THRB: variants seen among roughly 807,000 people sequenced by gnomAD.
THRB encodes nuclear receptor subfamily 1 group A member 2.
Under a neutral mutation model 47.8 loss-of-function variants are expected in THRB, and 12 were observed. The observed-to-expected ratio is 0.25, with a 90% CI of 0.16 to 0.41. THRB has a LOEUF of 0.41. Among genes scored for constraint, THRB ranks in the 10% least tolerant of loss-of-function variants. The pLI, the probability that THRB is intolerant of heterozygous loss-of-function variation, is 1.00. For synonymous variants in THRB, 218 were observed against 212.2 expected (o/e 1.03, Z -0.24); for missense variants, 348 against 589.2 (o/e 0.59, Z 4.24).
intron 4 of THRB, among the ~76,000 whole-genome samples, chr3:24,196,720 C>A (rs1276279539): frequency 6.6e-6 from 1 of 152,182 alleles, no homozygotes; most frequent in Non-Finnish European, 1.5e-5. Context: ...TGGGCCATGG[C>A]CCAAGGAATG....
chr3:24,133,500 T>C (rs1286465140), intron 8 of THRB, 38 bp from the exon 9 acceptor site: 2 of 1,594,706 alleles, frequency 1.3e-6, no homozygotes, highest in African/African-American at 1.3e-5. Context: ...AATGAAGAAG[T>C]TGAAGGGAGC....
intron 1 of THRB, among the ~76,000 whole-genome samples, chr3:24,352,807 G>C (rs1267848541): frequency 6.6e-6 from 1 of 152,032 alleles, no homozygotes; most frequent in Non-Finnish European, 1.5e-5. Flanking sequence ...ATTAAGAAGA[G>C]CTATAAACAC....
intron 3 of THRB, among the ~76,000 whole-genome samples, chr3:24,264,008 C>A (rs1310432033): frequency 6.6e-6 from 1 of 152,138 alleles, no homozygotes; most frequent in Non-Finnish European, 1.5e-5. Context: ...TTATGTCTTA[C>A]TGACATTAAT....
chr3:24,464,262 A>G (rs2073954608), intron 1 of THRB, among the ~76,000 whole-genome samples: 1 of 152,090 alleles, frequency 6.6e-6, no homozygotes, highest in Non-Finnish European at 1.5e-5. Flanking sequence ...AAAGAAAAAA[A>G]AAAAAGAAAA....
intron 3 of THRB, among the ~76,000 whole-genome samples, chr3:24,286,316 A>G (rs915159716): frequency 6.6e-5 from 10 of 152,250 alleles, no homozygotes; most frequent in South Asian, 4.1e-4. Flanking sequence ...TCATAAAACA[A>G]TAACTTTCTA....
intron 2 of THRB, among the ~76,000 whole-genome samples, chr3:24,298,455 T>A (rs1320600572): frequency 6.6e-6 from 1 of 152,220 alleles, no homozygotes; most frequent in Non-Finnish European, 1.5e-5. Context: ...CAGATATAAT[T>A]AAGAGGCCAA....
chr3:24,267,299 G>T (rs760699329), intron 3 of THRB, among the ~76,000 whole-genome samples: 5 of 151,496 alleles, frequency 3.3e-5, no homozygotes, highest in Non-Finnish European at 5.9e-5. Context: ...AGAACATAAG[G>T]ATTAGTGTTT....
intron 1 of THRB, among the ~76,000 whole-genome samples, chr3:24,397,952 T>G (rs2067101152): frequency 6.6e-6 from 1 of 152,088 alleles, no homozygotes; most frequent in Non-Finnish European, 1.5e-5. Flanking sequence ...GACCGAAGAA[T>G]TCTCTCTAGT....
At chr3:24,200,377 G>A (rs1003045829) in intron 4 of THRB, among the ~76,000 whole-genome samples, 1 of 152,172 alleles carries the variant, frequency 6.6e-6, no homozygotes, top group African/African-American at 2.4e-5. Flanking sequence ...ACTAGGACTA[G>A]GGTATGATTT....
chr3:24,478,415 A>G (rs1695808194), intron 1 of THRB, among the ~76,000 whole-genome samples: 1 of 152,232 alleles, frequency 6.6e-6, no homozygotes, highest in Non-Finnish European at 1.5e-5. Flanking sequence ...TTTTAAAAAT[A>G]ACATGTTACA....
chr3:24,357,385 A>G (rs1322424665), intron 1 of THRB, among the ~76,000 whole-genome samples: 2 of 147,862 alleles, frequency 1.4e-5, no homozygotes, highest in Non-Finnish European at 3.0e-5. Flanking sequence ...CAAAAAACAA[A>G]CAAACAAAAA....
In THRB at chr3:24,266,169, T is replaced by C. The variant is rs148481719; in HGVS notation, c.-43+31057A>G. The stretch of plus-strand genomic sequence containing the variant: ...AATTTTGTAGAGTGAAGTTAGATCA[T>C]AGAGTCTCTGCCCTCTTTTAACACT... On this transcript the variant is annotated intron_variant, in intron 3 of 10. Transcript: ENST00000646209. 5.8e-3 allele frequency among the ~76,000 whole-genome samples: 881 copies of C among 152,326 alleles called. 14 individuals are homozygous for C. The highest frequency in any genetic ancestry group is 0.02 in the African/African-American group (827 of 41,556).
chr3:24,395,915 G>A (rs570658878), intron 1 of THRB, among the ~76,000 whole-genome samples: 13 of 152,174 alleles, frequency 8.5e-5, no homozygotes, highest in East Asian at 1.9e-4. Flanking sequence ...ATATGGTTCC[G>A]TTTATATGGA....
At position 24,477,007 on chromosome 3, in the gene THRB, A is replaced by ATTTTTTTTTTTTTTTT. The variant is rs558247174; in HGVS notation, c.-261+17629_-261+17644dup. 8.4e-4 allele frequency among the ~76,000 whole-genome samples: 106 copies of ATTTTTTTTTTTTTTTT among 126,442 alleles called. 1 individual carries two copies. The highest frequency in any genetic ancestry group is 3.1e-3 in the African/African-American group (99 of 32,292). 83.0% of individuals were successfully genotyped at this position (126,442 alleles called of 152,430 possible). A position where few individuals can be genotyped will look rare whatever the true frequency, so the allele number is the denominator to read the frequency against. ...GGTATTTATGGTAGTGGTTTTCAAG[A>ATTTTTTTTTTTTTTTT]TTTTTTTTTTTTTTTTTTACTGTAA... On this transcript the variant is annotated intron_variant, in intron 1 of 10. Transcript: ENST00000646209.
At chr3:24,389,875 G>T (rs909779384) in intron 1 of THRB, among the ~76,000 whole-genome samples, 23 of 152,168 alleles carry the variant, frequency 1.5e-4, no homozygotes, top group Non-Finnish European at 3.4e-4. Context: ...GGCAACCACA[G>T]TCTTGAAGTG....
chr3:24,471,017 C>T (rs2074528791), intron 1 of THRB, among the ~76,000 whole-genome samples: 1 of 152,208 alleles, frequency 6.6e-6, no homozygotes, highest in Non-Finnish European at 1.5e-5. Flanking sequence ...TTCCTCTTTC[C>T]TCAGTGGTCC....
intron 2 of THRB, among the ~76,000 whole-genome samples, chr3:24,298,009 C>T (rs538494610): frequency 5.8e-4 from 89 of 152,280 alleles, no homozygotes; most frequent in Non-Finnish European, 1.2e-3. Context: ...ATGTTACTTT[C>T]TAATAAACTC....
At chr3:24,491,523 G>A (rs749665237) in intron 1 of THRB, among the ~76,000 whole-genome samples, 4 of 152,210 alleles carry the variant, frequency 2.6e-5, no homozygotes, top group Non-Finnish European at 4.4e-5. Context: ...GAGGCTGGCT[G>A]ACTTAACTAA....
At chr3:24,396,952 T>C (rs906960527) in intron 1 of THRB, among the ~76,000 whole-genome samples, 1 of 152,132 alleles carries the variant, frequency 6.6e-6, no homozygotes, top group Non-Finnish European at 1.5e-5. Flanking sequence ...TTAAAAAATT[T>C]ACCAGTTCTT....
Sources: gnomAD v4.1 joint callset for allele counts (sites outside exome capture counted in the v4.1 genomes callset) on GRCh38, gnomAD v4.1.1 for gene constraint, MANE v1.5 for transcripts, NCBI Gene and HGNC (gene_info 2026-07-23, HGNC 2026-07-21) for gene names.